RGS7: variants seen among roughly 807,000 people sequenced by gnomAD.
RGS7 encodes regulator of G-protein signaling 7.
In RGS7, 27 loss-of-function variants were observed where a neutral mutation model predicts 81.1. That is an observed-to-expected ratio of 0.33 (90% CI 0.25 to 0.46). The LOEUF is 0.46. Among genes scored for constraint, RGS7 ranks in the 20% least tolerant of loss-of-function variants. The pLI is 1.00. For synonymous variants in RGS7, 208 were observed against 207.7 expected (o/e 1.00, Z -0.01); for missense variants, 396 against 607.4 (o/e 0.65, Z 3.66).
intron 2 of RGS7, among the ~76,000 whole-genome samples, chr1:241,274,358 T>A (rs977905570): frequency 6.6e-6 from 1 of 152,246 alleles, no homozygotes; most frequent in Non-Finnish European, 1.5e-5. Context: ...GACACCTAAC[T>A]GGTAAAAGAT....
intron 3 of RGS7, among the ~76,000 whole-genome samples, chr1:241,094,464 A>G (rs2064112273): frequency 6.6e-6 from 1 of 152,182 alleles, no homozygotes; most frequent in African/African-American, 2.4e-5. Context: ...CTTCTGGAGA[A>G]GAAGGTAATG....
intron 2 of RGS7, among the ~76,000 whole-genome samples, chr1:241,257,328 C>T (rs1300881128): frequency 6.6e-6 from 1 of 152,036 alleles, no homozygotes; most frequent in Non-Finnish European, 1.5e-5. Flanking sequence ...AGGGTAGGGC[C>T]TTCATGATCT....
intron 4 of RGS7, among the ~76,000 whole-genome samples, chr1:240,968,043 C>T (rs909321390): frequency 2.0e-5 from 3 of 152,138 alleles, no homozygotes; most frequent in African/African-American, 7.2e-5. Context: ...TATCCAATAT[C>T]CCAGGAAGAC....
intron 9 of RGS7, among the ~76,000 whole-genome samples, chr1:240,865,414 A>G (rs925408113): frequency 2.6e-5 from 4 of 152,182 alleles, no homozygotes; most frequent in Non-Finnish European, 5.9e-5. Context: ...ACAGTTTGAG[A>G]TACTCTCTGG....
intron 2 of RGS7, among the ~76,000 whole-genome samples, chr1:241,288,532 G>T (rs2078936390): frequency 6.6e-6 from 1 of 152,094 alleles, no homozygotes; most frequent in African/African-American, 2.4e-5. Flanking sequence ...GAAGTACGGG[G>T]CGCTGTTACT....
chr1:241,296,135 G>T (rs1226313351), intron 2 of RGS7, among the ~76,000 whole-genome samples: 1 of 152,140 alleles, frequency 6.6e-6, no homozygotes, highest in African/African-American at 2.4e-5. Context: ...GAGGTGGTCA[G>T]ATAATAAAGG....
chr1:241,193,173 T>A (rs1449235830), intron 2 of RGS7, among the ~76,000 whole-genome samples: 1 of 152,238 alleles, frequency 6.6e-6, no homozygotes, highest in Non-Finnish European at 1.5e-5. Flanking sequence ...TTACAACCTA[T>A]AAGATCAGAC....
intron 2 of RGS7, among the ~76,000 whole-genome samples, chr1:241,327,147 G>GAAAGAAAAGAAAGAAAGAAAGAAAAGA (rs879828806): frequency 5.5e-4 from 41 of 74,476 alleles, no homozygotes; most frequent in African/African-American, 1.9e-3. Context: ...AGAAAGAAAG[G>GAAAGAAAAGAAAGAAAGAAAGAAAAGA]AAAGAAAGAA....
intron 3 of RGS7, among the ~76,000 whole-genome samples, chr1:241,009,220 G>A (rs563015203): frequency 1.5e-4 from 23 of 152,092 alleles, no homozygotes; most frequent in Non-Finnish European, 3.2e-4. Context: ...AATAAAACAA[G>A]CTGTAACTAA....
intron 2 of RGS7, among the ~76,000 whole-genome samples, chr1:241,119,695 A>C (rs61833760): frequency 2.0e-5 from 3 of 152,216 alleles, no homozygotes; most frequent in South Asian, 4.1e-4. Flanking sequence ...CAATGAGAAA[A>C]GCCTTTTACT....
At chr1:240,930,599 G>T (rs1027448138) in intron 6 of RGS7, 118 bp downstream of exon 6, 1 of 935,266 alleles carries the variant, frequency 1.1e-6, no homozygotes, top group Admixed American at 1.8e-5. Flanking sequence ...TAAAAATATT[G>T]GTCCCATCCT....
At chr1:241,003,463 A>C (rs1434722082) in intron 3 of RGS7, among the ~76,000 whole-genome samples, 1 of 111,564 alleles carries the variant, frequency 9.0e-6, no homozygotes, top group East Asian at 2.3e-4. Flanking sequence ...TCCGTCTCAA[A>C]AAAAAAAAAA....
rs2077916525 is a variant in RGS7 at position 241,271,883 on chromosome 1, ACGTGTGTGTG to A, written c.78+83806_78+83815del. 1.4e-5 allele frequency among the ~76,000 whole-genome samples: 1 copy of A among 72,220 alleles called. No individual in the cohort carries two copies. Among genetic ancestry groups the A allele is most frequent in the South Asian group, 6.3e-4 (1 of 1,582 alleles). The allele number at this position is 72,220 out of a possible 152,430, so 47.4% of individuals were successfully genotyped here. ...CAATCACACAAGCCAAATCTTTATA[ACGTGTGTGTG>A]TGTGTGTGTGTGTGTGTGTGTGTGT... is the stretch of plus-strand genomic sequence containing the variant. On this transcript the variant is annotated intron_variant, in intron 2 of 18. Coordinates refer to ENST00000440928, the MANE Select transcript of RGS7 (RefSeq NM_001364886.1). The surrounding 1 kb of genome is among the most constrained non-coding windows in gnomAD (Gnocchi z 4.6).
intron 6 of RGS7, among the ~76,000 whole-genome samples, chr1:240,885,349 T>C (rs1050008998): frequency 6.6e-6 from 1 of 151,994 alleles, no homozygotes; most frequent in African/African-American, 2.4e-5. Context: ...TGGCAACTTC[T>C]CAAAGAGCTA....
chr1:241,168,583 CGTTAT>C (rs1412729277), intron 2 of RGS7, among the ~76,000 whole-genome samples: 1 of 151,846 alleles, frequency 6.6e-6, no homozygotes, highest in African/African-American at 2.4e-5. Flanking sequence ...CCCCTGACTA[CGTTAT>C]GTTATATCAC....
At chr1:241,082,590 C>A (rs1248171456) in intron 3 of RGS7, among the ~76,000 whole-genome samples, 1 of 151,962 alleles carries the variant, frequency 6.6e-6, no homozygotes, top group Non-Finnish European at 1.5e-5. Flanking sequence ...GGTGATAAAG[C>A]GAAGTTGGTT....
At chr1:240,890,946 T>C (rs1410595663) in intron 6 of RGS7, among the ~76,000 whole-genome samples, 1 of 152,166 alleles carries the variant, frequency 6.6e-6, no homozygotes, top group African/African-American at 2.4e-5. Flanking sequence ...TGCACCAACC[T>C]AATGCATACT....
chr1:240,800,840 A>T, intron 17 of RGS7, 119 bp from the exon 18 acceptor site: 1 of 481,250 alleles, frequency 2.1e-6, no homozygotes. Context: ...TCATCAAAAC[A>T]CATGGCAAGA....
At chr1:241,242,279 C>T (rs2076295824) in intron 2 of RGS7, among the ~76,000 whole-genome samples, 1 of 150,930 alleles carries the variant, frequency 6.6e-6, no homozygotes, top group Non-Finnish European at 1.5e-5. Flanking sequence ...CTGCAAATGC[C>T]ATTATTCCGT....
Sources: allele counts gnomAD v4.1 joint callset (sites outside exome capture counted in the v4.1 genomes callset), GRCh38; gene constraint gnomAD v4.1.1; non-coding constraint Gnocchi (gnomAD v3.1); transcripts MANE v1.5; gene names NCBI Gene and HGNC (gene_info 2026-07-23, HGNC 2026-07-21).